CPSF3: variants seen among roughly 807,000 people sequenced by gnomAD.
CPSF3 encodes cleavage and polyadenylation specificity factor subunit 3.
In CPSF3, 57 loss-of-function variants were observed where a neutral mutation model predicts 84.1. The ratio of observed to expected loss-of-function variants is 0.68; its 90% CI spans 0.55 to 0.85. The LOEUF is 0.85. CPSF3 is among the 40% of genes least tolerant of loss of function. The pLI, the probability that CPSF3 is intolerant of heterozygous loss-of-function variation, is 0.00. For synonymous variants in CPSF3, 275 were observed against 278.1 expected, an observed-to-expected ratio of 0.99 and a Z score of 0.11; for missense variants, 522 against 838.8, an observed-to-expected ratio of 0.62 and a Z score of 4.66.
chr2:9,428,949 A>G lies in CPSF3; in HGVS notation c.114+121A>G, dbSNP rs143215938. 2.5e-5 allele frequency: 16 copies of G among 640,908 alleles called. No individual in the cohort carries two copies. In the East Asian group the frequency reaches 3.8e-4, roughly 15 times the overall value. The allele number at this position is 640,908 out of a possible 1,614,324, so 39.7% of individuals were successfully genotyped here. On this transcript the variant is annotated intron_variant, in intron 2 of 17. Coordinates refer to ENST00000238112, the MANE Select transcript of CPSF3 (RefSeq NM_016207.4). ...AAAAATGTTATAGTACATGTAATCT[A>G]TGCTGTATAGTGTTAATGAGAAAAA...
chr2:9,439,770 T>G (rs1331026742), intron 7 of CPSF3, among the ~76,000 whole-genome samples: 1 of 152,038 alleles, frequency 6.6e-6, no homozygotes, highest in African/African-American at 2.4e-5. Flanking sequence ...GGAGGATCAC[T>G]TAAGTCCAGA....
At chr2:9,439,482 A>G (rs1031829101) in intron 7 of CPSF3, among the ~76,000 whole-genome samples, 2 of 151,782 alleles carry the variant, frequency 1.3e-5, no homozygotes, top group African/African-American at 2.4e-5. Context: ...CAAAAAAAAA[A>G]AAAAAAGAAA....
At chr2:9,453,121 A>T in intron 12 of CPSF3, 100 bp downstream of exon 12, 1 of 676,208 alleles carries the variant, frequency 1.5e-6, no homozygotes, top group Non-Finnish European at 2.4e-6. Flanking sequence ...TATGTAATAG[A>T]CAAATAATAA....
At chr2:9,437,746 A>G (rs576741950) in intron 7 of CPSF3, among the ~76,000 whole-genome samples, 1 of 152,234 alleles carries the variant, frequency 6.6e-6, no homozygotes, top group Admixed American at 6.5e-5. Context: ...GTAATCCCTA[A>G]TTCCAGCACC....
chr2:9,460,495 G>A (rs1186016599), intron 15 of CPSF3, among the ~76,000 whole-genome samples: 1 of 152,016 alleles, frequency 6.6e-6, no homozygotes, highest in Non-Finnish European at 1.5e-5. Context: ...GATGAATTGA[G>A]CCAGTAGATT....
intron 14 of CPSF3, among the ~76,000 whole-genome samples, chr2:9,458,041 G>T (rs1448921889): frequency 6.6e-6 from 1 of 152,056 alleles, no homozygotes; most frequent in East Asian, 1.9e-4. Context: ...AAAAAGATTT[G>T]TCAGCTTTGG....
intron 15 of CPSF3, among the ~76,000 whole-genome samples, chr2:9,462,058 C>A (rs190358165): frequency 5.0e-4 from 76 of 152,218 alleles, no homozygotes; most frequent in African/African-American, 1.8e-3. Context: ...CCGTGCCGGG[C>A]CTAGGAGGAT....
At position 9,472,920 on chromosome 2, in the gene CPSF3, T is replaced by C. The variant is rs1184325243; in HGVS notation, c.1958T>C (p.Val653Ala). The C allele has an allele frequency of 6.2e-7, 1 of 1,604,822 alleles. No homozygotes were observed. Among genetic ancestry groups the C allele is most frequent in the East Asian group, 2.2e-5 (1 of 44,854 alleles). Residue 653 changes from valine to alanine, a missense_variant, in exon 18 of 18, where the codon GTA becomes GCA. By Grantham distance (64) the Val-to-Ala change is moderately conservative. Coordinates refer to ENST00000238112, the MANE Select transcript of CPSF3 (RefSeq NM_016207.4). The stretch of plus-strand genomic sequence containing the variant: ...TTGTTTGTGCCTCACTTTCAGACTG[T>C]AGAATGTGAAGAGGGAAGTGAAGAC... ...TANLNLETRT[V>A]ECEEGSEDDE...
intron 10 of CPSF3, among the ~76,000 whole-genome samples, chr2:9,444,274 C>T (rs550011225): frequency 2.0e-3 from 303 of 150,902 alleles, no homozygotes; most frequent in African/African-American, 7.0e-3. Context: ...ATTACAGGTG[C>T]CCACCACCAC....
chr2:9,436,173 C>A, intron 6 of CPSF3, 38 bp from the exon 7 acceptor site: 1 of 1,491,862 alleles, frequency 6.7e-7, no homozygotes, highest in South Asian at 1.4e-5. Flanking sequence ...CTTGGAGGAT[C>A]ATTGGTCTTA....
chr2:9,440,292 A>AT (rs1680926195), intron 7 of CPSF3, among the ~76,000 whole-genome samples, 199 bp from the exon 8 acceptor site: 1 of 152,208 alleles, frequency 6.6e-6, no homozygotes, highest in Non-Finnish European at 1.5e-5. Flanking sequence ...GTCATGCACT[A>AT]TTTAGAAATA....
intron 10 of CPSF3, among the ~76,000 whole-genome samples, chr2:9,447,024 C>T (rs914461847): frequency 1.3e-5 from 2 of 152,088 alleles, no homozygotes; most frequent in African/African-American, 4.8e-5. Flanking sequence ...GCCTGTAGTC[C>T]CAGCTACCTG....
chr2:9,471,323 G>T lies in CPSF3; in HGVS notation c.1857-20G>T, dbSNP rs1008436336. ...AAAGCCGGGCATTTTCACTAATCCT[G>T]CATTTCTGCTTATTTTCAGGGACAT... On this transcript the variant is annotated intron_variant, in intron 16 of 17. Transcript: ENST00000238112. 6.9e-7 allele frequency: 1 copy of T among 1,451,440 alleles called. No homozygotes were observed. The highest frequency in any genetic ancestry group is 9.7e-7 in the Non-Finnish European group (1 of 1,032,410). The allele number at this position is 1,451,440 out of a possible 1,614,324, so 89.9% of individuals were successfully genotyped here. A position where few individuals can be genotyped will look rare whatever the true frequency, so the allele number is the denominator to read the frequency against.
intron 1 of CPSF3, among the ~76,000 whole-genome samples, chr2:9,427,035 T>G (rs1680419316): frequency 1.3e-5 from 2 of 152,068 alleles, no homozygotes; most frequent in South Asian, 4.1e-4. Flanking sequence ...AAGAATAAAG[T>G]GGGAACTAAA....
Position 9,471,225 on chromosome 2 carries a change from GA to G in CPSF3, c.1857-111del, listed in dbSNP as rs1682151172. 1.0e-4 allele frequency: 61 copies of G among 596,268 alleles called. 1 individual carries two copies. The highest frequency in any genetic ancestry group is 1.0e-3 in the South Asian group (52 of 51,224). The allele number at this position is 596,268 out of a possible 1,614,324, so 36.9% of individuals were successfully genotyped here. The stretch of plus-strand genomic sequence containing the variant: ...CAAGACTCCATCTCAAAAAAAAAAA[GA>G]AAAAAAGTAAATACAGTATTCTGCT... On this transcript the variant is annotated intron_variant, in intron 16 of 17. Transcript: ENST00000238112.
intron 9 of CPSF3, among the ~76,000 whole-genome samples, chr2:9,442,206 A>T (rs143789524): frequency 2.1e-3 from 317 of 152,294 alleles, no homozygotes; most frequent in South Asian, 4.3e-3. Flanking sequence ...AGTTTGAGAA[A>T]TGCTCATCTG....
At chr2:9,452,138 G>A (rs1341979232) in intron 11 of CPSF3, among the ~76,000 whole-genome samples, 5 of 152,078 alleles carry the variant, frequency 3.3e-5, no homozygotes, top group Non-Finnish European at 7.4e-5. Flanking sequence ...AGACCAGCCT[G>A]GCCAATGTGG....
At chr2:9,427,190 G>T (rs752031045) in intron 1 of CPSF3, among the ~76,000 whole-genome samples, 8 of 152,216 alleles carry the variant, frequency 5.3e-5, no homozygotes, top group Non-Finnish European at 1.2e-4. Context: ...GAGGGAGTAC[G>T]TAGAGTAGAA....
chr2:9,456,249 T>C (rs1050255684), intron 13 of CPSF3, among the ~76,000 whole-genome samples: 1 of 152,194 alleles, frequency 6.6e-6, no homozygotes, highest in Admixed American at 6.5e-5. Flanking sequence ...ATTAGACCAT[T>C]TGAGTTCGAG....
Sources: gnomAD v4.1 joint callset for allele counts (sites outside exome capture counted in the v4.1 genomes callset) on GRCh38, gnomAD v4.1.1 for gene constraint, MANE v1.5 for transcripts, NCBI Gene and HGNC (gene_info 2026-07-23, HGNC 2026-07-21) for gene names.